Variants in CYP2C19 observed in about 807,000 individuals in gnomAD.
CYP2C19 encodes cytochrome P450 2C19.
In CYP2C19, 59 loss-of-function variants were observed where a neutral mutation model predicts 40.9. The ratio of observed to expected loss-of-function variants is 1.44; its 90% confidence interval spans 1.17 to 1.79. The LOEUF (loss-of-function observed/expected upper bound fraction) is 1.79. Among genes scored for constraint, CYP2C19 ranks in the 40% most tolerant of loss-of-function variants. The probability of loss-of-function intolerance (pLI) is 0.00; values close to 1 mark genes in which losing one functional copy is unlikely to be tolerated. For synonymous variants in CYP2C19, 253 were observed against 208.7 expected (o/e 1.21, Z -1.83); for missense variants, 754 against 596.9 (o/e 1.26, Z -2.74).
At chr10:94,838,010 C>T (rs773008938) in intron 6 of CYP2C19, among the ~76,000 whole-genome samples, 4 of 152,264 alleles carry the variant, frequency 2.6e-5, no homozygotes, top group Non-Finnish European at 5.9e-5. Context: ...CCAACTTTTC[C>T]CTTTTCCAGA....
intron 1 of CYP2C19, among the ~76,000 whole-genome samples, chr10:94,771,330 C>T (rs186508071): frequency 9.4e-4 from 143 of 152,150 alleles, no homozygotes; most frequent in Middle Eastern, 3.4e-3. Context: ...GGCTAGGATA[C>T]GGGGGTAAGC....
chr10:94,827,960 G>A (rs910190806), intron 6 of CYP2C19, among the ~76,000 whole-genome samples: 1 of 151,810 alleles, frequency 6.6e-6, no homozygotes, highest in Non-Finnish European at 1.5e-5. Flanking sequence ...CAGTTTCCAT[G>A]TAGTTGAGCG....
intron 6 of CYP2C19, among the ~76,000 whole-genome samples, chr10:94,830,672 G>A (rs568903808): frequency 6.6e-6 from 1 of 152,218 alleles, no homozygotes; most frequent in Admixed American, 6.5e-5. Flanking sequence ...AGCCATCTTT[G>A]CTCCTCCCCA....
intron 5 of CYP2C19, among the ~76,000 whole-genome samples, chr10:94,798,211 A>T (rs1038610053): frequency 6.6e-6 from 1 of 152,150 alleles, no homozygotes; most frequent in Admixed American, 6.6e-5. Flanking sequence ...CATTGGTTTC[A>T]AAGAACATCT....
At chr10:94,793,650 C>T (rs549221419) in intron 5 of CYP2C19, among the ~76,000 whole-genome samples, 1 of 152,250 alleles carries the variant, frequency 6.6e-6, no homozygotes, top group South Asian at 2.1e-4. Flanking sequence ...GCCTGGATAT[C>T]ACCAGTGGAG....
At chr10:94,817,429 TG>T (rs1169634432) in intron 5 of CYP2C19, among the ~76,000 whole-genome samples, 4 of 143,132 alleles carry the variant, frequency 2.8e-5, no homozygotes, top group African/African-American at 7.8e-5. Flanking sequence ...TGGGGTTGTT[TG>T]TTTTTTTCTT....
chr10:94,824,424 A>G (rs1849179585), intron 6 of CYP2C19, among the ~76,000 whole-genome samples: 1 of 152,180 alleles, frequency 6.6e-6, no homozygotes, highest in South Asian at 2.1e-4. Context: ...AAGCTGCTAG[A>G]ATGTTCAAAA....
chr10:94,772,826 C>A (rs1045035514), intron 1 of CYP2C19, among the ~76,000 whole-genome samples: 1 of 152,176 alleles, frequency 6.6e-6, no homozygotes, highest in Non-Finnish European at 1.5e-5. Context: ...CCAGGCCGGA[C>A]TGCGGACTGC....
chr10:94,829,103 C>T (rs1015514706), intron 6 of CYP2C19, among the ~76,000 whole-genome samples: 1 of 152,122 alleles, frequency 6.6e-6, no homozygotes, highest in African/African-American at 2.4e-5. Context: ...AACATTTTTT[C>T]CTTCATTTCA....
intron 5 of CYP2C19, among the ~76,000 whole-genome samples, chr10:94,815,573 A>G (rs1166283517): frequency 1.3e-5 from 2 of 152,216 alleles, no homozygotes; most frequent in Non-Finnish European, 2.9e-5. Context: ...GTCTTGGCAT[A>G]TGCCTTACCC....
chr10:94,830,678 C>T (rs1849319821), intron 6 of CYP2C19, among the ~76,000 whole-genome samples: 1 of 152,192 alleles, frequency 6.6e-6, no homozygotes, highest in Non-Finnish European at 1.5e-5. Flanking sequence ...CTTTGCTCCT[C>T]CCCACATTTC....
At chr10:94,827,842 C>T (rs1849255504) in intron 6 of CYP2C19, among the ~76,000 whole-genome samples, 2 of 151,990 alleles carry the variant, frequency 1.3e-5, no homozygotes, top group South Asian at 2.1e-4. Context: ...TGAATGCATC[C>T]CAGAGATTCT....
chr10:94,842,452 A>T (rs1589376446), intron 6 of CYP2C19, among the ~76,000 whole-genome samples: 3 of 120,620 alleles, frequency 2.5e-5, no homozygotes, highest in Admixed American at 8.9e-5. Flanking sequence ...TCATCTAGTC[A>T]GTTTGTCTTT....
At chr10:94,778,828 G>A (rs1848444841) in intron 3 of CYP2C19, among the ~76,000 whole-genome samples, 1 of 152,080 alleles carries the variant, frequency 6.6e-6, no homozygotes, top group Admixed American at 6.5e-5. Flanking sequence ...GTTTATTGCA[G>A]CACTATTTAC....
chr10:94,794,086 C>A (rs752319273), intron 5 of CYP2C19, among the ~76,000 whole-genome samples: 1 of 152,148 alleles, frequency 6.6e-6, no homozygotes, highest in South Asian at 2.1e-4. Context: ...AGCCTTGCTG[C>A]CACCTTGCAT....
intron 5 of CYP2C19, among the ~76,000 whole-genome samples, chr10:94,790,298 C>T (rs556185581): frequency 6.6e-6 from 1 of 152,082 alleles, no homozygotes; most frequent in Non-Finnish European, 1.5e-5. Flanking sequence ...CAAACAGGAA[C>T]AATTTGACTT....
At chr10:94,849,289 C>T (rs1411359727) in intron 7 of CYP2C19, among the ~76,000 whole-genome samples, 1 of 152,060 alleles carries the variant, frequency 6.6e-6, no homozygotes, top group Non-Finnish European at 1.5e-5. Context: ...TACGCAAGTA[C>T]TCAGTACTTC....
chr10:94,766,304 T>TTGTA (rs61477128), intron 1 of CYP2C19, among the ~76,000 whole-genome samples: 73,130 of 151,156 alleles, frequency 0.48, 18,620 homozygotes, highest in African/African-American at 0.63. Context: ...GGAGGGGTGA[T>TTGTA]TGAGGTATCC....
At chr10:94,849,333 A>G (rs182214673) in intron 7 of CYP2C19, among the ~76,000 whole-genome samples, 3 of 151,246 alleles carry the variant, frequency 2.0e-5, no homozygotes, top group Non-Finnish European at 4.4e-5. Context: ...TTATTTATTT[A>G]TTTATTTTTT....
Sources: allele counts gnomAD v4.1 joint callset (sites outside exome capture counted in the v4.1 genomes callset), GRCh38; gene constraint gnomAD v4.1.1; transcripts MANE v1.5; gene names NCBI Gene and HGNC (gene_info 2026-07-23, HGNC 2026-07-21).